Variants in SYT9 observed in about 807,000 individuals in gnomAD.
SYT9 encodes synaptotagmin 9.
Under a neutral mutation model 48.4 loss-of-function variants are expected in SYT9, and 22 were observed. The ratio of observed to expected loss-of-function variants is 0.45; its 90% CI spans 0.32 to 0.65. The LOEUF is 0.65. Ranked by LOEUF, SYT9 falls within the 30% of genes least tolerant of loss-of-function variation. The pLI is 0.03. For missense variants in SYT9, 577 were observed against 622.0 expected, an observed-to-expected ratio of 0.93 and a Z score of 0.77; for synonymous variants, 265 against 245.0, an observed-to-expected ratio of 1.08 and a Z score of -0.76.
intron 1 of SYT9, among the ~76,000 whole-genome samples, chr11:7,244,707 G>A (rs906724946): frequency 5.9e-5 from 9 of 152,220 alleles, no homozygotes; most frequent in Admixed American, 2.0e-4. Context: ...TATCTGGCAA[G>A]TAACTGAATA....
At chr11:7,355,851 C>T (rs1850011854) in intron 3 of SYT9, among the ~76,000 whole-genome samples, 1 of 152,226 alleles carries the variant, frequency 6.6e-6, no homozygotes, top group Non-Finnish European at 1.5e-5. Context: ...GCTTGCATTT[C>T]TCATGCTGTG....
chr11:7,241,209 C>T (rs912117264), intron 1 of SYT9, among the ~76,000 whole-genome samples: 1 of 121,828 alleles, frequency 8.2e-6, no homozygotes, highest in Non-Finnish European at 1.6e-5. Context: ...TTATTTAAAA[C>T]ACACACACAC....
chr11:7,288,201 T>C (rs1461360289), intron 1 of SYT9, among the ~76,000 whole-genome samples: 3 of 151,940 alleles, frequency 2.0e-5, no homozygotes, highest in South Asian at 2.1e-4. Context: ...CAGTACTCCA[T>C]AGAAGTACTT....
At chr11:7,449,788 T>G (rs1489037582) in intron 6 of SYT9, among the ~76,000 whole-genome samples, 1 of 152,102 alleles carries the variant, frequency 6.6e-6, no homozygotes, top group South Asian at 2.1e-4. Flanking sequence ...CTAGAGTTGT[T>G]TGAGAGAGGG....
intron 3 of SYT9, among the ~76,000 whole-genome samples, chr11:7,379,700 C>A (rs1850524870): frequency 6.6e-6 from 1 of 152,084 alleles, no homozygotes; most frequent in Non-Finnish European, 1.5e-5. Context: ...CTTATGTAAT[C>A]CTGACCCTCT....
Position 7,276,210 on chromosome 11 carries a change from A to G in SYT9, c.145+23879A>G, listed in dbSNP as rs187783703. ...CCACATCCTCACTTTCCCATATCCA[A>G]CAGTCACCAGTTCCCGCCAGTTTTA... On this transcript the variant is annotated intron_variant, in intron 1 of 6. Coordinates refer to ENST00000318881, the MANE Select transcript of SYT9 (RefSeq NM_175733.4). 2.2e-3 allele frequency among the ~76,000 whole-genome samples: 327 copies of G among 151,940 alleles called. 1 individual carries two copies. Among genetic ancestry groups the G allele is most frequent in the African/African-American group, 7.6e-3 (313 of 41,428 alleles).
chr11:7,411,976 C>G (rs1436806174), intron 3 of SYT9, among the ~76,000 whole-genome samples: 1 of 152,026 alleles, frequency 6.6e-6, no homozygotes, highest in Non-Finnish European at 1.5e-5. Context: ...TCTGCTTAAT[C>G]TAATCTATTG....
chr11:7,295,701 C>A (rs1415105128), intron 1 of SYT9, among the ~76,000 whole-genome samples: 1 of 152,128 alleles, frequency 6.6e-6, no homozygotes, highest in Non-Finnish European at 1.5e-5. Context: ...TTCAACAGCA[C>A]CCCCATTTCT....
intron 3 of SYT9, among the ~76,000 whole-genome samples, chr11:7,367,553 C>T (rs1188973990): frequency 1.3e-5 from 2 of 152,034 alleles, no homozygotes; most frequent in Non-Finnish European, 2.9e-5. Flanking sequence ...TTTATTATAA[C>T]ATTAATGCAG....
At chr11:7,348,424 A>G (rs1473160074) in intron 3 of SYT9, among the ~76,000 whole-genome samples, 1 of 152,182 alleles carries the variant, frequency 6.6e-6, no homozygotes, top group Non-Finnish European at 1.5e-5. Flanking sequence ...TTTACTGGGC[A>G]TATAGTGCTT....
chr11:7,362,068 A>C (rs1468128008), intron 3 of SYT9, among the ~76,000 whole-genome samples: 1 of 151,958 alleles, frequency 6.6e-6, no homozygotes, highest in East Asian at 1.9e-4. Context: ...AGCTTTCCCC[A>C]AAGTACCATC....
upstream of SYT9, among the ~76,000 whole-genome samples, chr11:7,247,416 T>C (rs1355214858): frequency 6.6e-6 from 1 of 151,660 alleles, no homozygotes; most frequent in Admixed American, 6.6e-5. Flanking sequence ...CAGGTCACTA[T>C]GAATGCCGTT....
At chr11:7,278,570 A>C (rs1252145026) in intron 1 of SYT9, among the ~76,000 whole-genome samples, 1 of 152,192 alleles carries the variant, frequency 6.6e-6, no homozygotes, top group East Asian at 1.9e-4. Context: ...TAACTCTGGT[A>C]CCTGGTTTAA....
chr11:7,371,784 C>T (rs866013343), intron 3 of SYT9, among the ~76,000 whole-genome samples: 3 of 152,064 alleles, frequency 2.0e-5, no homozygotes, highest in Admixed American at 1.3e-4. Flanking sequence ...TTTTGTTCAG[C>T]GTAATGCCTT....
chr11:7,305,261 A>G (rs1228450445), intron 2 of SYT9, among the ~76,000 whole-genome samples: 1 of 152,228 alleles, frequency 6.6e-6, no homozygotes, highest in Non-Finnish European at 1.5e-5. Flanking sequence ...TTCTGATGGC[A>G]AAAATCAAGT....
intron 1 of SYT9, among the ~76,000 whole-genome samples, chr11:7,294,830 T>A (rs961489815): frequency 2.6e-5 from 4 of 152,246 alleles, no homozygotes; most frequent in African/African-American, 7.2e-5. Context: ...TTGCCATCCC[T>A]TTTGAAACCA....
intron 3 of SYT9, among the ~76,000 whole-genome samples, chr11:7,317,187 G>T (rs1849258147): frequency 6.6e-6 from 1 of 152,278 alleles, no homozygotes; most frequent in Middle Eastern, 3.4e-3. Flanking sequence ...CCTATGTCAG[G>T]AAAGATATTT....
rs1040234501 is a variant in SYT9 at position 7,468,534 on chromosome 11, C to T, written c.*1734C>T. On this transcript the variant is annotated 3_prime_UTR_variant, in exon 7 of 7. Coordinates refer to ENST00000318881, the MANE Select transcript of SYT9 (RefSeq NM_175733.4). ...CTCATTCAGACATCCTCCACCATACCAGTGTTTAGAAGCAAAACATGAAGG... is the reference window on the plus strand; with the variant it reads ...CTCATTCAGACATCCTCCACCATACTAGTGTTTAGAAGCAAAACATGAAGG... 5.1e-6 allele frequency: 2 copies of T among 389,072 alleles called. No individual in the cohort carries two copies. Among genetic ancestry groups the T allele is most frequent in the Non-Finnish European group, 9.1e-6 (2 of 220,376 alleles). The allele number at this position is 389,072 out of a possible 1,614,324, so 24.1% of individuals were successfully genotyped here.
At chr11:7,421,893 G>A (rs1847362302) in intron 6 of SYT9, among the ~76,000 whole-genome samples, 2 of 152,204 alleles carry the variant, frequency 1.3e-5, no homozygotes, top group Non-Finnish European at 2.9e-5. Flanking sequence ...AAGCGCAAAG[G>A]AGAGAGATGT....
Sources: gnomAD v4.1 joint callset for allele counts (sites outside exome capture counted in the v4.1 genomes callset) on GRCh38, gnomAD v4.1.1 for gene constraint, MANE v1.5 for transcripts, NCBI Gene and HGNC (gene_info 2026-07-23, HGNC 2026-07-21) for gene names.